Variants in GALNTL6 observed in about 807,000 individuals in gnomAD.
The protein encoded by GALNTL6 is polypeptide N-acetylgalactosaminyltransferase like 6.
Under a neutral mutation model 73.7 loss-of-function variants are expected in GALNTL6, and 46 were observed. The ratio of observed to expected loss-of-function variants is 0.62; its 90% CI spans 0.49 to 0.80. The LOEUF is 0.80. Among genes scored for constraint, GALNTL6 ranks in the 30% least tolerant of loss-of-function variants. GALNTL6 has a pLI of 0.00. For missense variants in GALNTL6, 604 were observed against 755.0 expected, an observed-to-expected ratio of 0.80 and a Z score of 2.34; for synonymous variants, 259 against 263.7, an observed-to-expected ratio of 0.98 and a Z score of 0.17.
At chr4:171,898,838 C>T (rs930513484) in intron 2 of GALNTL6, among the ~76,000 whole-genome samples, 1 of 151,680 alleles carries the variant, frequency 6.6e-6, no homozygotes, top group Non-Finnish European at 1.5e-5. Flanking sequence ...GAATGTTAGC[C>T]TAGTGAATAT....
intron 3 of GALNTL6, among the ~76,000 whole-genome samples, chr4:172,242,183 G>T (rs1257839547): frequency 6.6e-6 from 1 of 151,970 alleles, no homozygotes; most frequent in East Asian, 1.9e-4. Flanking sequence ...AACAAATTGG[G>T]CTGGGAGTTG....
At chr4:172,588,813 A>G (rs1394245642) in intron 5 of GALNTL6, among the ~76,000 whole-genome samples, 3 of 152,206 alleles carry the variant, frequency 2.0e-5, no homozygotes, top group African/African-American at 4.8e-5. Context: ...CTGTATCTCA[A>G]GCAACTGAAA....
intron 5 of GALNTL6, among the ~76,000 whole-genome samples, chr4:172,598,497 C>A (rs1177699259): frequency 6.6e-6 from 1 of 152,114 alleles, no homozygotes; most frequent in Admixed American, 6.6e-5. Context: ...AGACCAGTTG[C>A]AGAGCCCAGT....
At chr4:172,055,823 T>A (rs1402718948) in intron 2 of GALNTL6, among the ~76,000 whole-genome samples, 1 of 152,170 alleles carries the variant, frequency 6.6e-6, no homozygotes, top group Admixed American at 6.6e-5. Flanking sequence ...TGGTCTATAG[T>A]TTTAGATTTC....
intron 5 of GALNTL6, among the ~76,000 whole-genome samples, chr4:172,533,023 T>TA (rs895646805): frequency 1.3e-5 from 2 of 151,750 alleles, no homozygotes; most frequent in Non-Finnish European, 2.9e-5. Flanking sequence ...AATTTTTTTT[T>TA]TTTTTTTGAG....
intron 3 of GALNTL6, among the ~76,000 whole-genome samples, chr4:172,294,357 T>C (rs2111106596): frequency 6.6e-6 from 1 of 152,330 alleles, no homozygotes; most frequent in South Asian, 2.1e-4. Flanking sequence ...GCCCATTTTC[T>C]TAGATGTAGT....
chr4:172,445,715 A>G (rs1307699217), intron 5 of GALNTL6, among the ~76,000 whole-genome samples: 1 of 152,106 alleles, frequency 6.6e-6, no homozygotes, highest in Non-Finnish European at 1.5e-5. Flanking sequence ...CTGAGAGCTA[A>G]TTATGTCAGT....
At chr4:171,911,825 A>G (rs934354602) in intron 2 of GALNTL6, among the ~76,000 whole-genome samples, 4 of 152,192 alleles carry the variant, frequency 2.6e-5, no homozygotes, top group African/African-American at 9.7e-5. Flanking sequence ...TCATGATCCA[A>G]AATTAATTGG....
chr4:172,390,156 A>T lies in GALNTL6; in HGVS notation c.553+41467A>T, dbSNP rs190485472. Reference sequence around the variant, plus strand: ...ACTTTTTTAACCCAAAGAAAATAACATAAAATATTTTAGGGGCCTATTGTT... The same window carrying T: ...ACTTTTTTAACCCAAAGAAAATAACTTAAAATATTTTAGGGGCCTATTGTT... On this transcript the variant is annotated intron_variant, in intron 5 of 12. Transcript: ENST00000506823. Among the ~76,000 whole-genome samples, 512 of 152,332 alleles carry T rather than the reference A, an allele frequency of 3.4e-3. 2 individuals are homozygous for T. The highest frequency in any genetic ancestry group is 5.4e-3 in the Non-Finnish European group (366 of 68,020).
chr4:172,542,429 G>T (rs549551329), intron 5 of GALNTL6, among the ~76,000 whole-genome samples: 2 of 152,208 alleles, frequency 1.3e-5, no homozygotes, highest in African/African-American at 4.8e-5. Context: ...GTTAGAAAAT[G>T]ATTTGGGGCT....
At chr4:172,431,886 T>G (rs1731467639) in intron 5 of GALNTL6, among the ~76,000 whole-genome samples, 1 of 152,136 alleles carries the variant, frequency 6.6e-6, no homozygotes, top group Non-Finnish European at 1.5e-5. Flanking sequence ...CAAGGAAATT[T>G]TCTTGCATTT....
intron 4 of GALNTL6, among the ~76,000 whole-genome samples, chr4:172,332,517 G>A (rs557741254): frequency 3.9e-5 from 5 of 128,366 alleles, no homozygotes; most frequent in South Asian, 3.3e-4. Context: ...ATTTCCATCC[G>A]ATCAAGTTTT....
intron 10 of GALNTL6, among the ~76,000 whole-genome samples, chr4:172,987,093 A>G (rs1392013484): frequency 6.6e-6 from 1 of 152,206 alleles, no homozygotes; most frequent in Non-Finnish European, 1.5e-5. Flanking sequence ...TTTATTAAAG[A>G]CAAATCATGG....
chr4:172,618,925 T>C (rs1233709531), intron 5 of GALNTL6, among the ~76,000 whole-genome samples: 3 of 152,116 alleles, frequency 2.0e-5, no homozygotes, highest in East Asian at 3.9e-4. Context: ...GGTTTCACCA[T>C]GTTGGCCAGG....
chr4:172,426,953 C>A (rs1215235914), intron 5 of GALNTL6, among the ~76,000 whole-genome samples: 1 of 151,406 alleles, frequency 6.6e-6, no homozygotes, highest in African/African-American at 2.4e-5. Context: ...TACATTATCT[C>A]GTATTCTGTG....
At chr4:171,834,816 G>A (rs941491230) in intron 2 of GALNTL6, among the ~76,000 whole-genome samples, 1 of 151,952 alleles carries the variant, frequency 6.6e-6, no homozygotes. Flanking sequence ...GACTCGACTA[G>A]TGGCTACAGA....
chr4:172,891,472 A>T (rs1031170118), intron 8 of GALNTL6, among the ~76,000 whole-genome samples: 6 of 152,188 alleles, frequency 3.9e-5, no homozygotes, highest in African/African-American at 1.4e-4. Context: ...AATGCTAAAA[A>T]TATGCCTCCA....
chr4:171,987,986 G>A (rs1481724414), intron 2 of GALNTL6, among the ~76,000 whole-genome samples: 2 of 152,182 alleles, frequency 1.3e-5, no homozygotes, highest in African/African-American at 4.8e-5. Flanking sequence ...AGGAGCCGGG[G>A]AGCAGAAAGT....
intron 5 of GALNTL6, among the ~76,000 whole-genome samples, chr4:172,606,322 C>G (rs1010509722): frequency 6.6e-6 from 1 of 151,166 alleles, no homozygotes; most frequent in Admixed American, 6.6e-5. Context: ...GGCATGGTGG[C>G]GCATGCCTGT....
Sources: allele counts gnomAD v4.1 joint callset (sites outside exome capture counted in the v4.1 genomes callset), GRCh38; gene constraint gnomAD v4.1.1; transcripts MANE v1.5; gene names NCBI Gene and HGNC (gene_info 2026-07-23, HGNC 2026-07-21).